Variants in PLCZ1 observed in about 807,000 individuals in gnomAD.
PLCZ1 encodes 1-phosphatidylinositol 4,5-bisphosphate phosphodiesterase zeta-1.
PLCZ1 carries 64 observed loss-of-function variants against 76.8 expected under a neutral mutation model. The observed-to-expected ratio is 0.83, with a 90% CI of 0.68 to 1.03. PLCZ1 has a LOEUF of 1.03. Among genes scored for constraint, PLCZ1 ranks in the 50% least tolerant of loss-of-function variants. The pLI is 0.00. For missense variants in PLCZ1, 751 were observed against 713.7 expected (o/e 1.05, Z -0.60); for synonymous variants, 248 against 230.8 (o/e 1.07, Z -0.68).
chr12:18,650,702 GTGTATATATCTATA>G, the PLCZ1 span, among the ~76,000 whole-genome samples: 38 of 27,692 alleles, frequency 1.4e-3, no homozygotes, highest in Admixed American at 4.1e-3. Context: ...GTGTGTGTGT[GTGTATATATCTATA>G]TATATATATA....
In PLCZ1 at chr12:18,716,209, G is replaced by A. The variant is rs76890812; in HGVS notation, c.569+3222C>T. Among the ~76,000 whole-genome samples, 1,101 of 152,068 alleles carry A rather than the reference G, an allele frequency of 7.2e-3. 11 individuals are homozygous for A. The highest frequency in any genetic ancestry group is 0.025 in the African/African-American group (1,053 of 41,472). The stretch of plus-strand genomic sequence containing the variant: ...ATCAACAGAGTATGAGTTCTCTGGA[G>A]TGCTGCCAGAGAACAATCTTGAGCT... On this transcript the variant is annotated intron_variant, in intron 5 of 14. Coordinates refer to ENST00000266505, the MANE Select transcript of PLCZ1 (RefSeq NM_033123.4).
At chr12:18,669,544 G>A in the PLCZ1 span, among the ~76,000 whole-genome samples, 3 of 152,172 alleles carry the variant, frequency 2.0e-5, no homozygotes, top group African/African-American at 7.2e-5. Context: ...CTGGAGGCTG[G>A]AAAGTCCAAT....
chr12:18,668,116 A>C, the PLCZ1 span, among the ~76,000 whole-genome samples: 5 of 152,152 alleles, frequency 3.3e-5, no homozygotes, highest in African/African-American at 4.8e-5. Flanking sequence ...CTTAGCCCCA[A>C]CTTGTATTAT....
chr12:18,685,219 C>T (rs1005245773), intron 13 of PLCZ1, among the ~76,000 whole-genome samples: 2 of 151,940 alleles, frequency 1.3e-5, no homozygotes, highest in African/African-American at 4.8e-5. Flanking sequence ...TTTCAAAGTC[C>T]AAAGTTGATG....
intron 7 of PLCZ1, among the ~76,000 whole-genome samples, chr12:18,703,736 T>C (rs1305387063): frequency 6.6e-6 from 1 of 152,186 alleles, no homozygotes; most frequent in Non-Finnish European, 1.5e-5. Flanking sequence ...TTTTCACTTT[T>C]TCCCACACCA....
At chr12:18,682,023 T>C (rs1952464938), downstream of PLCZ1, among the ~76,000 whole-genome samples, 1 of 151,998 alleles carries the variant, frequency 6.6e-6, no homozygotes, top group African/African-American at 2.4e-5. Context: ...ATAAGATCCA[T>C]TCATTATCTG....
chr12:18,701,428 T>A (rs1216364082), intron 9 of PLCZ1, 73 bp downstream of exon 9: 8 of 1,603,952 alleles, frequency 5.0e-6, no homozygotes, highest in African/African-American at 4.0e-5. Context: ...TCCAGAATTT[T>A]AAAAAAATCT....
chr12:18,683,715 G>A (rs551539715), intron 14 of PLCZ1: 1 of 997,930 alleles, frequency 1.0e-6, no homozygotes, highest in Non-Finnish European at 1.4e-6. Flanking sequence ...GCAACATAAA[G>A]GTAGTCAGCC....
chr12:18,675,705 A>C, the PLCZ1 span, among the ~76,000 whole-genome samples: 1 of 152,172 alleles, frequency 6.6e-6, no homozygotes, highest in Admixed American at 6.6e-5. Flanking sequence ...AAAAAGAATA[A>C]AATTATATCT....
At chr12:18,696,460 TC>T (rs1009670120) in intron 10 of PLCZ1, among the ~76,000 whole-genome samples, 194 bp from the exon 11 acceptor site, 1 of 150,686 alleles carries the variant, frequency 6.6e-6, no homozygotes, top group Non-Finnish European at 1.5e-5. Context: ...ATAGTATAAT[TC>T]ACTATTATTT....
intron 4 of PLCZ1, 27 bp downstream of exon 4, chr12:18,723,284 C>T (rs199720965): frequency 3.7e-4 from 580 of 1,564,512 alleles, no homozygotes; most frequent in South Asian, 5.0e-4. Flanking sequence ...ATAAATATTC[C>T]GATAAAAGTT....
intron 5 of PLCZ1, chr12:18,715,772 G>A (rs575186423): frequency 6.6e-6 from 1 of 152,296 alleles, no homozygotes; most frequent in South Asian, 2.1e-4. Context: ...AACTAGCTGG[G>A]ACTACAGTCA....
chr12:18,650,704 G>GTGTA, the PLCZ1 span, among the ~76,000 whole-genome samples: 14 of 57,762 alleles, frequency 2.4e-4, no homozygotes, highest in East Asian at 4.4e-4. Context: ...GTGTGTGTGT[G>GTGTA]TATATATCTA....
chr12:18,710,654 G>C (rs1957187618), intron 6 of PLCZ1, among the ~76,000 whole-genome samples: 1 of 152,110 alleles, frequency 6.6e-6, no homozygotes, highest in South Asian at 2.1e-4. Flanking sequence ...ATTTAAATGA[G>C]AGGTGATGTT....
At chr12:18,675,975 G>A in the PLCZ1 span, among the ~76,000 whole-genome samples, 8 of 151,642 alleles carry the variant, frequency 5.3e-5, 1 homozygote, top group Non-Finnish European at 5.9e-5. Context: ...ATATAGCCAG[G>A]TAACAAGCCT....
chr12:18,701,606 A>ATCC (rs11279217), intron 8 of PLCZ1, 38 bp from the exon 9 acceptor site: 31,860 of 1,510,976 alleles, frequency 0.021, 51 homozygotes, highest in Non-Finnish European at 0.024. Flanking sequence ...CTTTGAATTT[A>ATCC]TCCTCCTCCT....
intron 13 of PLCZ1, among the ~76,000 whole-genome samples, chr12:18,684,878 C>G (rs1200984729): frequency 6.6e-6 from 1 of 151,890 alleles, no homozygotes; most frequent in East Asian, 1.9e-4. Flanking sequence ...TGAGTGAGTA[C>G]TCATGAGATC....
chr12:18,647,988 A>G, the PLCZ1 span: 3 of 1,597,828 alleles, frequency 1.9e-6, no homozygotes, highest in South Asian at 1.1e-5. Flanking sequence ...GTCCCACTCG[A>G]TAAAGAAAAA....
intron 13 of PLCZ1, among the ~76,000 whole-genome samples, chr12:18,685,295 T>C (rs1952939479): frequency 6.6e-6 from 1 of 151,990 alleles, no homozygotes; most frequent in Non-Finnish European, 1.5e-5. Flanking sequence ...GAAATCCACA[T>C]CGTGTCACAG....
Sources: gnomAD v4.1 joint callset for allele counts (sites outside exome capture counted in the v4.1 genomes callset) on GRCh38, gnomAD v4.1.1 for gene constraint, MANE v1.5 for transcripts, NCBI Gene and HGNC (gene_info 2026-07-23, HGNC 2026-07-21) for gene names.